The following C12orf50 variants were observed in gnomAD, a reference collection of about 807,000 sequenced individuals.
C12orf50 encodes zinc finger CCCH-type containing 11D, also known as uncharacterized protein C12orf50.
Under a neutral mutation model 61.6 loss-of-function variants are expected in C12orf50, and 35 were observed. The ratio of observed to expected loss-of-function variants is 0.57; its 90% CI spans 0.43 to 0.75. C12orf50 has a LOEUF of 0.75. Among genes scored for constraint, C12orf50 ranks in the 30% least tolerant of loss-of-function variants. The pLI is 0.00. For synonymous variants in C12orf50, 178 were observed against 161.5 expected (o/e 1.10, Z -0.77); for missense variants, 475 against 488.5 (o/e 0.97, Z 0.26).
In C12orf50 at chr12:87,994,549, G is replaced by C; in HGVS notation, c.592+84C>G. 8.4e-6 allele frequency: 9 copies of C among 1,068,528 alleles called. 1 individual carries two copies. In the South Asian group the frequency reaches 1.3e-4, roughly 16 times the overall value. 66.2% of individuals were successfully genotyped at this position (1,068,528 alleles called of 1,614,324 possible). ...GTTAAACATGACATGGACAAAAAAA[G>C]AAAATTAGTTGTAAAAGATAAAATT... On this transcript the variant is annotated intron_variant, in intron 7 of 12. Transcript: ENST00000298699.
At chr12:87,987,564 G>A (rs1203056517) in intron 9 of C12orf50, among the ~76,000 whole-genome samples, 1 of 151,968 alleles carries the variant, frequency 6.6e-6, no homozygotes, top group African/African-American at 2.4e-5. Context: ...TTCCACTATG[G>A]GCGCAATTTA....
intron 9 of C12orf50, among the ~76,000 whole-genome samples, chr12:87,987,432 G>A (rs920025633): frequency 6.6e-6 from 1 of 152,140 alleles, no homozygotes; most frequent in Admixed American, 6.6e-5. Flanking sequence ...GAAGGGAAGG[G>A]ATCAGGAAGA....
At chr12:87,991,543 A>G (rs2031121357) in intron 7 of C12orf50, among the ~76,000 whole-genome samples, 1 of 152,202 alleles carries the variant, frequency 6.6e-6, no homozygotes, top group African/African-American at 2.4e-5. Flanking sequence ...AGATTTATCT[A>G]GAGAAGTCAA....
intron 3 of C12orf50, among the ~76,000 whole-genome samples, chr12:88,024,327 C>A (rs7980912): frequency 0.26 from 39,227 of 152,052 alleles, 10,144 homozygotes; most frequent in African/African-American, 0.67. Flanking sequence ...ACACATGTAC[C>A]TGCATGTTCA....
intron 3 of C12orf50, among the ~76,000 whole-genome samples, chr12:88,008,400 CT>C (rs1027478912): frequency 2.0e-5 from 3 of 152,080 alleles, no homozygotes; most frequent in African/African-American, 7.2e-5. Flanking sequence ...TGATCTCATT[CT>C]TTTTTATGGC....
At chr12:88,006,923 A>G (rs2031909444) in intron 3 of C12orf50, among the ~76,000 whole-genome samples, 2 of 152,138 alleles carry the variant, frequency 1.3e-5, no homozygotes, top group Admixed American at 6.5e-5. Context: ...CTGACTTGCC[A>G]TTTTTACTGG....
intron 3 of C12orf50, among the ~76,000 whole-genome samples, chr12:88,012,909 A>G (rs1425715086): frequency 1.3e-5 from 2 of 152,078 alleles, no homozygotes; most frequent in Admixed American, 1.3e-4. Flanking sequence ...ACCAAAAATT[A>G]CAAAATTAGT....
At chr12:88,003,774 G>C (rs988178058) in intron 3 of C12orf50, among the ~76,000 whole-genome samples, 1 of 151,974 alleles carries the variant, frequency 6.6e-6, no homozygotes, top group Non-Finnish European at 1.5e-5. Flanking sequence ...CATATGATGT[G>C]TCTGGCTGCA....
Position 88,005,912 on chromosome 12 carries a change from G to GTTTTTT in C12orf50, c.134-7728_134-7723dup, listed in dbSNP as rs371924944. The stretch of plus-strand genomic sequence containing the variant: ...AGGACTATGTTTTTTTGTTTTTTTG[G>GTTTTTT]TTTTTTTTTTTTTTTTTTTTTTGAG... On this transcript the variant is annotated intron_variant, in intron 3 of 12. Coordinates refer to ENST00000298699, the MANE Select transcript of C12orf50 (RefSeq NM_152589.3). Among the ~76,000 whole-genome samples, 31 of 91,032 alleles carry GTTTTTT rather than the reference G, an allele frequency of 3.4e-4. 2 individuals are homozygous for GTTTTTT. Among genetic ancestry groups the GTTTTTT allele is most frequent in the African/African-American group, 1.3e-3 (29 of 23,084 alleles). 59.7% of individuals were successfully genotyped at this position (91,032 alleles called of 152,430 possible).
intron 12 of C12orf50, among the ~76,000 whole-genome samples, chr12:87,981,129 T>C (rs754836740): frequency 2.4e-4 from 36 of 152,322 alleles, no homozygotes; most frequent in Middle Eastern, 3.4e-3. Context: ...CCTCTGCATG[T>C]AAATTTAGTC....
At chr12:87,998,243 TA>T (rs754874566) in intron 3 of C12orf50, 53 bp from the exon 4 acceptor site, 14 of 1,425,734 alleles carry the variant, frequency 9.8e-6, no homozygotes, top group Non-Finnish European at 1.2e-5. Context: ...TGATGATAAG[TA>T]GATGTAACAA....
chr12:87,994,218 T>C (rs2031273009), intron 7 of C12orf50, among the ~76,000 whole-genome samples: 2 of 151,872 alleles, frequency 1.3e-5, no homozygotes, highest in East Asian at 3.9e-4. Flanking sequence ...AATAAATAAA[T>C]AAATAAATAA....
intron 9 of C12orf50, 24 bp from the exon 10 acceptor site, chr12:87,986,440 A>G: frequency 2.6e-6 from 4 of 1,543,444 alleles, no homozygotes; most frequent in Non-Finnish European, 3.5e-6. Flanking sequence ...CAAATTTTAC[A>G]ATTTTTTAAG....
chr12:88,004,489 G>T (rs983213451), intron 3 of C12orf50, among the ~76,000 whole-genome samples: 1 of 152,160 alleles, frequency 6.6e-6, no homozygotes, highest in Admixed American at 6.5e-5. Flanking sequence ...GAGCAGTTTG[G>T]CAATTTCTCA....
chr12:87,998,433 A>G (rs984845746), intron 3 of C12orf50, among the ~76,000 whole-genome samples: 2 of 152,136 alleles, frequency 1.3e-5, no homozygotes, highest in Admixed American at 1.3e-4. Context: ...TTAACATAAG[A>G]TGTGCAAAAT....
chr12:88,008,510 G>A (rs2031978301), intron 3 of C12orf50, among the ~76,000 whole-genome samples: 1 of 151,946 alleles, frequency 6.6e-6, no homozygotes, highest in South Asian at 2.1e-4. Flanking sequence ...CTTTGCTATT[G>A]TGAATAGTCC....
chr12:88,001,204 G>A (rs919080891), intron 3 of C12orf50, among the ~76,000 whole-genome samples: 10 of 151,600 alleles, frequency 6.6e-5, no homozygotes, highest in Non-Finnish European at 1.0e-4. Context: ...TTTTTATAAC[G>A]TATGTGTGTC....
At position 87,983,105 on chromosome 12, in the gene C12orf50, G is replaced by A; in HGVS notation, c.1217C>T (p.Pro406Leu). ...TAAAACCACTTATAAATAGTTACCT[G>A]GATATATCTTTTCACTTTTTGAATA... ...KTYSKSEKIYPEPRRNGSK is the reference protein window; with the variant it reads ...KTYSKSEKIYLEPRRNGSK The change falls in exon 12 of 13, where the codon CCA becomes CTA. Residue 406 changes from proline to leucine, a missense_variant and splice_region_variant. By Grantham distance (98) the Pro-to-Leu change is moderately conservative. Transcript: ENST00000298699. The A allele has an allele frequency of 6.4e-7, 1 of 1,555,936 alleles. No individual in the cohort carries two copies. Among genetic ancestry groups the A allele is most frequent in the Non-Finnish European group, 8.8e-7 (1 of 1,131,734 alleles).
chr12:87,998,301 A>G (rs1363895926), intron 3 of C12orf50, 111 bp from the exon 4 acceptor site: 1 of 735,410 alleles, frequency 1.4e-6, no homozygotes. Context: ...TAAAATGTGT[A>G]CAATAATAAT....
Sources: gnomAD v4.1 joint callset for allele counts (sites outside exome capture counted in the v4.1 genomes callset) on GRCh38, gnomAD v4.1.1 for gene constraint, MANE v1.5 for transcripts, NCBI Gene and HGNC (gene_info 2026-07-23, HGNC 2026-07-21) for gene names.